Variants in ABCA9 observed in about 807,000 individuals in gnomAD.
The protein encoded by ABCA9 is ATP-binding cassette sub-family A member 9.
In ABCA9, 183 loss-of-function variants were observed where a neutral mutation model predicts 205.3. The observed-to-expected ratio is 0.89, with a 90% CI of 0.79 to 1.01. ABCA9 has a LOEUF of 1.01. Among genes scored for constraint, ABCA9 ranks in the 50% least tolerant of loss-of-function variants. ABCA9 has a pLI of 0.00. For synonymous variants in ABCA9, 651 were observed against 683.3 expected (o/e 0.95, Z 0.74); for missense variants, 1,805 against 1,912.4 (o/e 0.94, Z 1.05).
chr17:69,001,396 T>C (rs2069862194), intron 25 of ABCA9, among the ~76,000 whole-genome samples: 1 of 150,922 alleles, frequency 6.6e-6, no homozygotes, highest in South Asian at 2.1e-4. Context: ...TGTCTTTGGC[T>C]CTGTTTATAT....
chr17:68,991,536 A>G (rs1185674928), intron 28 of ABCA9, among the ~76,000 whole-genome samples: 1 of 152,042 alleles, frequency 6.6e-6, no homozygotes, highest in Non-Finnish European at 1.5e-5. Flanking sequence ...TCTCTCCCTC[A>G]TGCCACGCTC....
At position 69,008,098 on chromosome 17, in the gene ABCA9, C is replaced by T. The variant is rs373042000; in HGVS notation, c.3285G>A (p.Glu1095=). The part of the protein sequence containing the change: ...MQIMDYIFSP[E]EIIFIIQNLL... ...GGTTTTGAATTATAAATATAATCTC[C>T]TCTGGGCTAAAAATATAATCCATTA... Residue 1095 remains glutamate (E), a synonymous_variant, in exon 24 of 39, where the codon GAG becomes GAA. Transcript: ENST00000340001. 1.7e-5 allele frequency: 27 copies of T among 1,612,636 alleles called. No individual in the cohort carries two copies. Among genetic ancestry groups the T allele is most frequent in the Admixed American group, 1.7e-5 (1 of 59,914 alleles).
Position 69,010,722 on chromosome 17 carries a change from G to A in ABCA9, c.3147+1254C>T, listed in dbSNP as rs185042383. Among the ~76,000 whole-genome samples the A allele has an allele frequency of 3.1e-3, 469 of 152,250 alleles. 1 individual carries two copies. The highest frequency in any genetic ancestry group is 0.011 in the African/African-American group (447 of 41,572). ...AAGGAATGATGATGACTTAGACCAC[G>A]AAGAAAATAGTGGAGAGGGAGAGAA... On this transcript the variant is annotated intron_variant, in intron 23 of 38. Transcript: ENST00000340001.
chr17:68,985,848 T>C (rs531725363), intron 32 of ABCA9, among the ~76,000 whole-genome samples: 1 of 151,244 alleles, frequency 6.6e-6, no homozygotes, highest in Non-Finnish European at 1.5e-5. Flanking sequence ...TCCCAGCTAC[T>C]AGGGAGGCTG....
Position 69,016,316 on chromosome 17 carries a change from A to G in ABCA9, c.2976T>C (p.Asn992=). ...CFPVLLDVIS[N]GLLGIFNSSE... is the part of the protein sequence containing the mutation. ...ACGAATTAAAAATTCCAAGTAGTCC[A>G]TTGCTAATGACATCCAGGAGGACAG... is the stretch of plus-strand genomic sequence containing the variant. Residue 992 remains asparagine (N), a synonymous_variant, in exon 22 of 39, where the codon AAT becomes AAC. Coordinates refer to ENST00000340001, the MANE Select transcript of ABCA9 (RefSeq NM_080283.4). The G allele has an allele frequency of 6.2e-7, 1 of 1,603,574 alleles. No homozygotes were observed. Among genetic ancestry groups the G allele is most frequent in the South Asian group, 1.1e-5 (1 of 89,436 alleles).
rs1374601023 is a variant in ABCA9 at position 69,028,554 on chromosome 17, C to G, written c.1596G>C (p.Gly532=). The change falls in exon 12 of 39, where the codon GGG becomes GGC. Residue 532 remains glycine (G), a synonymous_variant. Transcript: ENST00000340001. ...GKTTLLNILS[G]LSVPTSGSVT... is the part of the protein sequence containing the mutation. ...TCTTACCTGATGTTGGAACTGACAA[C>G]CCACTAAGTATGTTTAACAGGGTAG... 1 of 1,605,118 alleles carries G rather than the reference C, an allele frequency of 6.2e-7. No homozygotes were observed. Among genetic ancestry groups the G allele is most frequent in the South Asian group, 1.1e-5 (1 of 89,952 alleles).
intron 3 of ABCA9, among the ~76,000 whole-genome samples, chr17:69,047,970 C>A (rs1245142165): frequency 6.6e-6 from 1 of 152,160 alleles, no homozygotes; most frequent in Non-Finnish European, 1.5e-5. Context: ...CTGATTCCTG[C>A]AACGTGGGGA....
intron 1 of ABCA9, among the ~76,000 whole-genome samples, chr17:69,054,004 A>G (rs183322497): frequency 2.6e-5 from 4 of 152,338 alleles, no homozygotes; most frequent in African/African-American, 9.6e-5. Flanking sequence ...TTCAGAAATT[A>G]TGGAAACAAG....
chr17:69,025,300 C>G (rs1192167544), intron 16 of ABCA9, among the ~76,000 whole-genome samples: 1 of 152,134 alleles, frequency 6.6e-6, no homozygotes, highest in Non-Finnish European at 1.5e-5. Context: ...TACTGAGGAT[C>G]AAAGAAGTTA....
intron 7 of ABCA9, 27 bp downstream of exon 7, chr17:69,035,633 A>G: frequency 1.2e-6 from 2 of 1,610,000 alleles, no homozygotes; most frequent in Non-Finnish European, 1.7e-6. Flanking sequence ...AGAGAATAAA[A>G]GACTTAGATG....
At chr17:69,007,969 G>C in intron 24 of ABCA9, 93 bp downstream of exon 24, 1 of 1,430,664 alleles carries the variant, frequency 7.0e-7, no homozygotes, top group South Asian at 1.3e-5. Context: ...AATAGCACAG[G>C]TAATTTGAAG....
Position 69,024,331 on chromosome 17 carries a change from C to G in ABCA9, c.2164G>C (p.Asp722His), listed in dbSNP as rs1387909946. Residue 722 changes from aspartate (D) to histidine (H), a missense_variant, in exon 17 of 39, where the codon GAT becomes CAT. Transcript: ENST00000340001. Reference protein sequence around the residue: ...HLSLHLNERCDPESITSLVKQ... With the variant: ...HLSLHLNERCHPESITSLVKQ... ...ACCAGTGATGTTATACTCTCTGGAT[C>G]ACACCTTTCATTCAGATGCAAACTA... 1 of 1,597,706 alleles carries G rather than the reference C, an allele frequency of 6.3e-7. No homozygotes were observed. The highest frequency in any genetic ancestry group is 1.4e-5 in the African/African-American group (1 of 73,932).
At chr17:69,034,908 AT>A (rs2071283170) in intron 8 of ABCA9, 1 of 166,348 alleles carries the variant, frequency 6.0e-6, no homozygotes, top group South Asian at 2.0e-4. Context: ...CAATTAAAAA[AT>A]AAAGATATAT....
chr17:68,986,272 C>G lies in ABCA9; in HGVS notation c.4100G>C (p.Cys1367Ser), dbSNP rs2069236618. ...GGEPLGFLGY[C>S]PQENALWPNL... ...GGGCCACAGCGCATTCTCCTGAGGG[C>G]AGTACCCCAGGAAGCCCAGGGGTTC... Residue 1367 changes from cysteine (C) to serine (S), a missense_variant, in exon 32 of 39, where the codon TGC (cysteine) becomes TCC (serine). Physicochemically the swap from Cys to Ser is moderately radical, Grantham distance 112 (BLOSUM62 -1). Transcript: ENST00000340001. 1 of 1,613,622 alleles carries G rather than the reference C, an allele frequency of 6.2e-7. No homozygotes were observed. Among genetic ancestry groups the G allele is most frequent in the Non-Finnish European group, 8.5e-7 (1 of 1,179,774 alleles).
chr17:69,057,841 TCTTG>T (rs927152956), intron 1 of ABCA9, among the ~76,000 whole-genome samples: 27 of 135,612 alleles, frequency 2.0e-4, no homozygotes, highest in Admixed American at 2.0e-3. Context: ...GCTTTTTTTT[TCTTG>T]TCATTATTCC....
At chr17:69,061,280 A>C (rs566323580), upstream of ABCA9, 1 of 389,336 alleles carries the variant, frequency 2.6e-6, no homozygotes, top group Non-Finnish European at 3.5e-6. Context: ...ATAAGTAAGA[A>C]GCCAATCCAG....
intron 23 of ABCA9, among the ~76,000 whole-genome samples, chr17:69,011,275 A>C (rs1394790130): frequency 6.6e-6 from 1 of 152,104 alleles, no homozygotes; most frequent in Non-Finnish European, 1.5e-5. Flanking sequence ...AGAGGAGTTT[A>C]CCCCAAAAAA....
In ABCA9 at chr17:68,993,003, AAAGTCTTCTTACT is replaced by A; in HGVS notation, c.3624_3624+12del. On this transcript the variant is annotated splice_donor_variant and splice_donor_5th_base_variant and coding_sequence_variant and intron_variant, in exon 27 of 39. Transcript: ENST00000340001. LOFTEE classifies it high-confidence loss of function. ...CCCTCATGCAAGAATGTTGAAAAAA[AAAGTCTTCTTACT>A]ATTAGCAGTGCCAGGTATACAATTT... The A allele has an allele frequency of 6.2e-7, 1 of 1,602,182 alleles. No individual in the cohort carries two copies.
chr17:69,020,540 T>C lies in ABCA9; in HGVS notation c.2448A>G (p.Ile816Met). The change falls in exon 19 of 39, where the codon ATA (isoleucine) becomes ATG (methionine). Residue 816 changes from isoleucine (I) to methionine (M), a missense_variant. Transcript: ENST00000340001. ...CTTGTTCCAGCTCAACAAGGCTTCCTATATCTTTTGCCCCATCAGTTTGTA... is the reference window on the plus strand; with the variant it reads ...CTTGTTCCAGCTCAACAAGGCTTCCCATATCTTTTGCCCCATCAGTTTGTA... ...GQLQTDGAKDIGSLVELEQVL... is the reference protein window; with the variant it reads ...GQLQTDGAKDMGSLVELEQVL... The C allele has an allele frequency of 1.9e-6, 3 of 1,614,096 alleles. No homozygotes were observed. In the East Asian group the frequency reaches 6.7e-5, roughly 36 times the overall value.
Sources: gnomAD v4.1 joint callset for allele counts (sites outside exome capture counted in the v4.1 genomes callset) on GRCh38, gnomAD v4.1.1 for gene constraint, MANE v1.5 for transcripts, NCBI Gene and HGNC (gene_info 2026-07-23, HGNC 2026-07-21) for gene names.